Variants in TTC7B observed in about 807,000 individuals in gnomAD.
TTC7B encodes tetratricopeptide repeat protein 7B.
Under a neutral mutation model 106.8 loss-of-function variants are expected in TTC7B, and 28 were observed. The ratio of observed to expected loss-of-function variants is 0.26; its 90% CI spans 0.19 to 0.36. The LOEUF is 0.36. TTC7B is among the 10% of genes least tolerant of loss of function. TTC7B has a pLI of 1.00. For synonymous variants in TTC7B, 405 were observed against 430.6 expected, an observed-to-expected ratio of 0.94 and a Z score of 0.74; for missense variants, 862 against 1,076.4, an observed-to-expected ratio of 0.80 and a Z score of 2.79.
At chr14:90,602,640 T>C (rs545087580) in intron 17 of TTC7B, among the ~76,000 whole-genome samples, 3 of 152,076 alleles carry the variant, frequency 2.0e-5, no homozygotes, top group Admixed American at 2.0e-4. Context: ...GTTCCAGGCT[T>C]CAGTGAGCTG....
chr14:90,657,199 T>C lies in TTC7B; in HGVS notation c.1316A>G (p.Lys439Arg), dbSNP rs778390271. ...DDATIPLLAAKLCMGSLHWLE... is the reference protein window; with the variant it reads ...DDATIPLLAARLCMGSLHWLE... ...CCAGTGCAGGGAGCCCATGCAGAGC[T>C]TGGCAGCGAGGAGAGGGATGGTGGC... is the stretch of plus-strand genomic sequence containing the variant. The change falls in exon 11 of 20, where the codon AAG becomes AGG. Residue 439 changes from lysine to arginine, a missense_variant. Lys to Arg is a conservative substitution (Grantham distance 26). Transcript: ENST00000328459. The surrounding 1 kb of genome is among the most constrained non-coding windows in gnomAD (Gnocchi z 4.2). 1 of 1,614,090 alleles carries C rather than the reference T, an allele frequency of 6.2e-7. No homozygotes were observed. The highest frequency in any genetic ancestry group is 1.1e-5 in the South Asian group (1 of 91,078).
chr14:90,660,395 C>CAAAAAAAAAA (rs57030874), intron 9 of TTC7B, among the ~76,000 whole-genome samples: 139 of 40,846 alleles, frequency 3.4e-3, no homozygotes, highest in Non-Finnish European at 4.3e-3. Flanking sequence ...CACCCTGTCT[C>CAAAAAAAAAA]AAAAAAAAAA....
chr14:90,687,240 C>T (rs183586075), intron 7 of TTC7B, among the ~76,000 whole-genome samples: 2 of 152,312 alleles, frequency 1.3e-5, no homozygotes, highest in African/African-American at 4.8e-5. Context: ...AAGCTGATCA[C>T]GTGTATCCAT....
At chr14:90,704,903 G>T (rs1007370986) in intron 5 of TTC7B, among the ~76,000 whole-genome samples, 2 of 152,144 alleles carry the variant, frequency 1.3e-5, no homozygotes, top group Non-Finnish European at 2.9e-5. Context: ...CACTCACTCC[G>T]ACGCGAAGCT....
intron 2 of TTC7B, among the ~76,000 whole-genome samples, chr14:90,782,502 G>A (rs1891253508): frequency 6.6e-6 from 1 of 152,124 alleles, no homozygotes; most frequent in African/African-American, 2.4e-5. Context: ...AGGAGGCTAA[G>A]GCACAAGAAT....
intron 1 of TTC7B, among the ~76,000 whole-genome samples, chr14:90,803,498 G>C (rs981895535): frequency 5.3e-5 from 8 of 152,106 alleles, no homozygotes; most frequent in Non-Finnish European, 7.4e-5. Flanking sequence ...CCCACTGCAG[G>C]GCTCCTGCTG....
At chr14:90,679,649 G>T (rs1338109795) in intron 8 of TTC7B, among the ~76,000 whole-genome samples, 1 of 152,172 alleles carries the variant, frequency 6.6e-6, no homozygotes, top group East Asian at 1.9e-4. Context: ...GAGCCCTCAA[G>T]ATCTTTTGAT....
chr14:90,608,447 A>C lies in TTC7B; in HGVS notation c.1966+2295T>G, dbSNP rs1264746492. Among the ~76,000 whole-genome samples the C allele has an allele frequency of 3.9e-5, 6 of 152,110 alleles. No homozygotes were observed. The highest frequency in any genetic ancestry group is 2.9e-5 in the Non-Finnish European group (2 of 68,018). On this transcript the variant is annotated intron_variant, in intron 17 of 19. Transcript: ENST00000328459. This position sits in a 1 kb window ranked among gnomAD's most constrained non-coding sequence, Gnocchi z 5.1. ...AAGGACTCGCGTGGATGACTCAACA[A>C]TGAAACCGTCTGTGGCAGTGCCTGG...
At position 90,780,738 on chromosome 14, in the gene TTC7B, C is replaced by A; in HGVS notation, c.445G>T (p.Gly149Ter). The A allele has an allele frequency of 6.2e-7, 1 of 1,614,028 alleles. No homozygotes were observed. The highest frequency in any genetic ancestry group is 8.5e-7 in the Non-Finnish European group (1 of 1,179,996). The change falls in exon 3 of 20, where the codon GGA becomes TGA. Residue 149 changes from glycine to a stop codon, truncating the protein, a stop_gained and splice_region_variant. Coordinates refer to ENST00000328459, the MANE Select transcript of TTC7B (RefSeq NM_001010854.2). LOFTEE classifies it high-confidence loss of function. ...CTGTGTTAGAAGGCACGGGCCTCAC[C>A]TTTGGTAGCGTAGGCTTCTGCGATC... ...RVIAEAYATK[G>*]LCLEKLPISS... is the part of the protein sequence containing the mutation.
At chr14:90,697,644 G>C (rs987997747) in intron 5 of TTC7B, 2 of 152,248 alleles carry the variant, frequency 1.3e-5, no homozygotes, top group Non-Finnish European at 2.9e-5. Flanking sequence ...TGGCCCAGGT[G>C]AAGAAGTCCA....
At chr14:90,705,546 C>A (rs942619515) in intron 5 of TTC7B, among the ~76,000 whole-genome samples, 17 of 152,150 alleles carry the variant, frequency 1.1e-4, no homozygotes, top group Admixed American at 6.5e-5. Context: ...CCCCTCAATT[C>A]TTTCTTAATA....
chr14:90,784,761 A>G (rs935918698), intron 2 of TTC7B, among the ~76,000 whole-genome samples: 1 of 152,098 alleles, frequency 6.6e-6, no homozygotes, highest in Non-Finnish European at 1.5e-5. Context: ...TGGGATCCCT[A>G]TGCTGAGCTG....
intron 1 of TTC7B, among the ~76,000 whole-genome samples, chr14:90,804,786 A>G (rs900698240): frequency 1.3e-5 from 2 of 152,214 alleles, no homozygotes; most frequent in Non-Finnish European, 2.9e-5. Flanking sequence ...GCTTCCTGTT[A>G]GGCTTCGGGC....
chr14:90,646,451 G>T (rs1470150103), intron 14 of TTC7B, among the ~76,000 whole-genome samples: 5 of 152,190 alleles, frequency 3.3e-5, no homozygotes, highest in African/African-American at 1.2e-4. Context: ...GAGTAGCCAC[G>T]GTGTGTAACT....
intron 1 of TTC7B, among the ~76,000 whole-genome samples, chr14:90,793,613 CTTT>C (rs142431278): frequency 5.9e-5 from 8 of 135,688 alleles, no homozygotes; most frequent in Admixed American, 1.5e-4. Flanking sequence ...TTCTTTTTTT[CTTT>C]TTTTTTTTTG....
At chr14:90,681,213 T>A (rs1595276166) in intron 7 of TTC7B, among the ~76,000 whole-genome samples, 1 of 152,214 alleles carries the variant, frequency 6.6e-6, no homozygotes, top group Admixed American at 6.5e-5. Context: ...CTCTATAGCC[T>A]ATTTTCTGTG....
intron 5 of TTC7B, among the ~76,000 whole-genome samples, chr14:90,719,108 A>C (rs1454960854): frequency 1.3e-5 from 2 of 152,024 alleles, no homozygotes; most frequent in African/African-American, 4.8e-5. Flanking sequence ...AAACAAACAA[A>C]CAAACAAAAA....
chr14:90,744,351 T>C (rs886344200), intron 4 of TTC7B, among the ~76,000 whole-genome samples: 1 of 152,142 alleles, frequency 6.6e-6, no homozygotes, highest in African/African-American at 2.4e-5. Flanking sequence ...TTTTGCTCAA[T>C]GGCCCAGGCT....
chr14:90,760,152 C>T (rs1001663803), intron 3 of TTC7B, among the ~76,000 whole-genome samples: 2 of 152,094 alleles, frequency 1.3e-5, no homozygotes, highest in African/African-American at 2.4e-5. Context: ...TATGCAACAA[C>T]GGGTGTCACC....
Sources: gnomAD v4.1 joint callset for allele counts (sites outside exome capture counted in the v4.1 genomes callset) on GRCh38, gnomAD v4.1.1 for gene constraint, Gnocchi (gnomAD v3.1) non-coding constraint, MANE v1.5 for transcripts, NCBI Gene and HGNC (gene_info 2026-07-23, HGNC 2026-07-21) for gene names.